MACROD2: variants seen among roughly 807,000 people sequenced by gnomAD.
The protein encoded by MACROD2 is mono-ADP ribosylhydrolase 2, also known as ADP-ribose glycohydrolase MACROD2.
A neutral mutation model predicts 70.4 loss-of-function variants in MACROD2; 36 were observed. The ratio of observed to expected loss-of-function variants is 0.51; its 90% CI spans 0.39 to 0.68. MACROD2 has a LOEUF of 0.68. MACROD2 is among the 30% of genes least tolerant of loss of function. MACROD2 has a pLI of 0.00. For synonymous variants in MACROD2, 172 were observed against 178.8 expected, an observed-to-expected ratio of 0.96 and a Z score of 0.30; for missense variants, 496 against 538.4, an observed-to-expected ratio of 0.92 and a Z score of 0.78.
chr20:15,413,152 A>G (rs1230997808), intron 6 of MACROD2, among the ~76,000 whole-genome samples: 2 of 152,154 alleles, frequency 1.3e-5, no homozygotes, highest in Non-Finnish European at 1.5e-5. Flanking sequence ...CATCAACATA[A>G]TCTTGCAAGC....
At chr20:14,061,889 A>C (rs970603770) in intron 2 of MACROD2, among the ~76,000 whole-genome samples, 3 of 152,122 alleles carry the variant, frequency 2.0e-5, no homozygotes, top group African/African-American at 7.2e-5. Context: ...TATATAAAAT[A>C]ATTTGAGGAG....
rs371178420 is a variant in MACROD2 at position 16,048,433 on chromosome 20, G to C, written c.1301-1397G>C. 2.2e-4 allele frequency among the ~76,000 whole-genome samples: 33 copies of C among 152,260 alleles called. No individual in the cohort carries two copies. The Middle Eastern group carries it at 0.01, about 47-fold the overall frequency. On this transcript the variant is annotated intron_variant, in intron 17 of 17. Transcript: ENST00000684519. ...TGTAGTAGTATCAAAGACACGTGAA[G>C]AGACATGAAGGAGAAGAAGAGAATA...
intron 5 of MACROD2, among the ~76,000 whole-genome samples, chr20:14,864,130 T>G (rs1442315917): frequency 6.6e-6 from 1 of 152,104 alleles, no homozygotes; most frequent in African/African-American, 2.4e-5. Context: ...ATTTAAAAAG[T>G]TTCCATTTTA....
At chr20:14,040,251 A>G (rs970722130) in intron 2 of MACROD2, among the ~76,000 whole-genome samples, 5 of 152,188 alleles carry the variant, frequency 3.3e-5, no homozygotes, top group Non-Finnish European at 5.9e-5. Context: ...AGCATAGCCT[A>G]TTAGTCCCAG....
intron 11 of MACROD2, among the ~76,000 whole-genome samples, chr20:15,934,121 T>G (rs1038725736): frequency 5.3e-5 from 8 of 152,224 alleles, no homozygotes; most frequent in African/African-American, 1.9e-4. Context: ...TAAAAATCCC[T>G]GTTCCCTTTA....
chr20:15,209,302 G>A (rs1393251987), intron 5 of MACROD2, among the ~76,000 whole-genome samples: 1 of 151,934 alleles, frequency 6.6e-6, no homozygotes, highest in Non-Finnish European at 1.5e-5. Context: ...TCTTATATTT[G>A]TTTTATGTAT....
At chr20:14,787,557 A>G (rs908465537) in intron 5 of MACROD2, among the ~76,000 whole-genome samples, 7 of 152,134 alleles carry the variant, frequency 4.6e-5, no homozygotes, top group African/African-American at 1.7e-4. Flanking sequence ...CTGAAACAAA[A>G]TCCTTGTTCT....
At chr20:14,318,177 C>T (rs2082629503) in intron 3 of MACROD2, among the ~76,000 whole-genome samples, 1 of 152,022 alleles carries the variant, frequency 6.6e-6, no homozygotes, top group South Asian at 2.1e-4. Flanking sequence ...TTATCAGAGC[C>T]CCCAACATAC....
intron 3 of MACROD2, chr20:14,324,278 T>C (rs1414064666): frequency 1.4e-5 from 1 of 72,004 alleles, no homozygotes; most frequent in Non-Finnish European, 3.0e-5. Context: ...CAATGCACTT[T>C]GGTTTTTTGT....
intron 8 of MACROD2, among the ~76,000 whole-genome samples, chr20:15,544,772 T>C (rs972582875): frequency 6.6e-6 from 1 of 152,206 alleles, no homozygotes; most frequent in African/African-American, 2.4e-5. Flanking sequence ...AAATAACAGC[T>C]ATCTGGAAGT....
At chr20:15,236,160 G>C (rs1173670202) in intron 6 of MACROD2, among the ~76,000 whole-genome samples, 1 of 152,176 alleles carries the variant, frequency 6.6e-6, no homozygotes, top group African/African-American at 2.4e-5. Context: ...GATTTAGCCA[G>C]TGTGGGAAAA....
intron 2 of MACROD2, among the ~76,000 whole-genome samples, chr20:14,072,996 A>G (rs1259259452): frequency 6.6e-6 from 1 of 152,054 alleles, no homozygotes; most frequent in African/African-American, 2.4e-5. Flanking sequence ...AACATGCATT[A>G]GAACTAAATA....
chr20:15,365,112 C>T (rs1175205155), intron 6 of MACROD2, among the ~76,000 whole-genome samples: 1 of 151,916 alleles, frequency 6.6e-6, no homozygotes, highest in African/African-American at 2.4e-5. Flanking sequence ...AATTGTACCA[C>T]ACATTAGTTT....
Position 15,096,755 on chromosome 20 carries a change from G to A in MACROD2, c.419-133185G>A, listed in dbSNP as rs557130015. Among the ~76,000 whole-genome samples, 15 of 150,004 alleles carry A rather than the reference G, an allele frequency of 1.0e-4. No individual in the cohort carries two copies. In the East Asian group the frequency reaches 2.4e-3, roughly 24 times the overall value. On this transcript the variant is annotated intron_variant, in intron 5 of 17. Coordinates refer to ENST00000684519, the MANE Select transcript of MACROD2 (RefSeq NM_001351661.2). ...TGGAGCTCCTGACGTCAAGTAATCC[G>A]CCTGCCTCGGCCTCCCAAAGTGCTG... is the stretch of plus-strand genomic sequence containing the variant.
intron 5 of MACROD2, among the ~76,000 whole-genome samples, chr20:14,780,081 C>T (rs2072281095): frequency 6.6e-6 from 1 of 152,006 alleles, no homozygotes; most frequent in African/African-American, 2.4e-5. Flanking sequence ...AGTGGTCAAA[C>T]CAGGAGTGAT....
At chr20:14,898,915 T>C (rs1656614105) in intron 5 of MACROD2, among the ~76,000 whole-genome samples, 1 of 152,186 alleles carries the variant, frequency 6.6e-6, no homozygotes, top group Non-Finnish European at 1.5e-5. Flanking sequence ...AGATGGGAAC[T>C]AATAAAGCTG....
intron 5 of MACROD2, among the ~76,000 whole-genome samples, chr20:15,182,853 A>G (rs2076509840): frequency 6.6e-6 from 1 of 152,206 alleles, no homozygotes; most frequent in Non-Finnish European, 1.5e-5. Context: ...AAACATACCT[A>G]TGCTTTCATT....
intron 1 of MACROD2, among the ~76,000 whole-genome samples, chr20:14,001,764 G>C (rs549322381): frequency 2.0e-5 from 3 of 152,108 alleles, no homozygotes; most frequent in Non-Finnish European, 4.4e-5. Flanking sequence ...AGTAGGAGCA[G>C]GCACTTCACG....
chr20:15,636,071 C>CA (rs1178846767), intron 8 of MACROD2, among the ~76,000 whole-genome samples: 48 of 27,268 alleles, frequency 1.8e-3, no homozygotes, highest in Middle Eastern at 0.025. Flanking sequence ...GGCTCCCTCT[C>CA]AAAAGAAAAA....
Sources: allele counts gnomAD v4.1 joint callset (sites outside exome capture counted in the v4.1 genomes callset), GRCh38; gene constraint gnomAD v4.1.1; transcripts MANE v1.5; gene names NCBI Gene and HGNC (gene_info 2026-07-23, HGNC 2026-07-21).